Variants in CEP112 observed in about 807,000 individuals in gnomAD.
The protein encoded by CEP112 is centrosomal protein of 112 kDa.
CEP112 carries 127 observed loss-of-function variants against 153.0 expected under a neutral mutation model. The observed-to-expected ratio is 0.83, with a 90% CI of 0.72 to 0.96. CEP112 has a LOEUF of 0.96. Among genes scored for constraint, CEP112 ranks in the 40% least tolerant of loss-of-function variants. The probability of loss-of-function intolerance (pLI) is 0.00; values close to 1 mark genes in which losing one functional copy is unlikely to be tolerated. For synonymous variants in CEP112, 358 were observed against 374.4 expected (o/e 0.96, Z 0.51); for missense variants, 1,089 against 1,101.2 (o/e 0.99, Z 0.16).
At chr17:65,701,093 T>C (rs1229771427) in intron 23 of CEP112, among the ~76,000 whole-genome samples, 1 of 152,108 alleles carries the variant, frequency 6.6e-6, no homozygotes, top group East Asian at 1.9e-4. Flanking sequence ...CTGCCATGGC[T>C]GGGAGGCCAT....
intron 4 of CEP112, among the ~76,000 whole-genome samples, chr17:66,164,922 A>G (rs35622123): frequency 0.18 from 19,361 of 104,834 alleles, 1,686 homozygotes; most frequent in Non-Finnish European, 0.29. Context: ...GTGTGTGTGT[A>G]TATTTATTTA....
intron 1 of CEP112, among the ~76,000 whole-genome samples, chr17:66,189,522 T>C (rs1252911034): frequency 6.6e-6 from 1 of 151,316 alleles, no homozygotes; most frequent in Non-Finnish European, 1.5e-5. Flanking sequence ...AAAAAAAGTA[T>C]TTTGAAAAGT....
chr17:65,728,229 T>G (rs542615772), intron 23 of CEP112, among the ~76,000 whole-genome samples: 34 of 152,280 alleles, frequency 2.2e-4, no homozygotes, highest in African/African-American at 7.9e-4. Context: ...ATCAATATAG[T>G]CAAATGCTGC....
chr17:66,139,604 T>C (rs2070596593), intron 4 of CEP112, among the ~76,000 whole-genome samples: 2 of 151,322 alleles, frequency 1.3e-5, no homozygotes, highest in Admixed American at 6.6e-5. Flanking sequence ...TGAGAATCTA[T>C]CTCAAGAGAA....
chr17:66,171,447 T>C (rs1422492951), intron 4 of CEP112, among the ~76,000 whole-genome samples: 1 of 152,182 alleles, frequency 6.6e-6, no homozygotes, highest in African/African-American at 2.4e-5. Flanking sequence ...TCAAATATTA[T>C]AAGCCTCTTA....
chr17:66,045,197 A>T (rs951724303), intron 12 of CEP112, among the ~76,000 whole-genome samples: 4 of 152,006 alleles, frequency 2.6e-5, no homozygotes, highest in African/African-American at 9.7e-5. Flanking sequence ...CGGCCCCACA[A>T]GTAGCTGGGA....
intron 19 of CEP112, among the ~76,000 whole-genome samples, chr17:65,907,249 TCTTATAGA>T (rs1231842872): frequency 6.6e-6 from 1 of 152,224 alleles, no homozygotes; most frequent in Non-Finnish European, 1.5e-5. Context: ...ATTTGAAGTT[TCTTATAGA>T]CTCATCAATG....
In CEP112 at chr17:65,970,456, GCAT is replaced by G. The variant is rs2062674232; in HGVS notation, c.1737-8861_1737-8859del. Reference sequence around the variant, plus strand: ...CACACATCATGCATGTATATTACATGCATGCACACATGCATGTATATTACATGC... The same window carrying G: ...CACACATCATGCATGTATATTACATGGCACACATGCATGTATATTACATGC... On this transcript the variant is annotated intron_variant, in intron 17 of 26. Coordinates refer to ENST00000535342, the MANE Select transcript of CEP112 (RefSeq NM_001199165.4). Among the ~76,000 whole-genome samples the G allele has an allele frequency of 5.4e-5, 5 of 93,346 alleles. No individual in the cohort carries two copies. The Admixed American group carries it at 7.2e-4, about 13-fold the overall frequency. 61.2% of individuals were successfully genotyped at this position (93,346 alleles called of 152,430 possible).
intron 17 of CEP112, among the ~76,000 whole-genome samples, chr17:65,994,005 C>G (rs1353881665): frequency 1.2e-5 from 1 of 81,016 alleles, no homozygotes; most frequent in Non-Finnish European, 2.4e-5. Flanking sequence ...CCTCAATAAA[C>G]TTCGGTTCAT....
intron 23 of CEP112, among the ~76,000 whole-genome samples, chr17:65,728,607 C>T (rs8078499): frequency 0.15 from 23,397 of 152,068 alleles, 2,603 homozygotes; most frequent in East Asian, 0.62. Context: ...GCACCTTATG[C>T]CATTGTGGTA....
At chr17:65,864,944 G>A (rs2058435222) in intron 20 of CEP112, among the ~76,000 whole-genome samples, 2 of 148,116 alleles carry the variant, frequency 1.4e-5, no homozygotes, top group South Asian at 4.3e-4. Context: ...GTGTGTGTGT[G>A]TGTGTGTGTG....
At chr17:65,848,208 G>A (rs974558449) in intron 21 of CEP112, among the ~76,000 whole-genome samples, 11 of 152,016 alleles carry the variant, frequency 7.2e-5, no homozygotes, top group Admixed American at 1.3e-4. Flanking sequence ...TTTTAACATC[G>A]TATTTTCCCA....
At chr17:65,843,308 A>C (rs1304736725) in intron 21 of CEP112, among the ~76,000 whole-genome samples, 1 of 152,202 alleles carries the variant, frequency 6.6e-6, no homozygotes, top group African/African-American at 2.4e-5. Flanking sequence ...GAAAATGACA[A>C]CTTTAGGTTC....
chr17:65,765,953 G>T (rs1372221901), intron 21 of CEP112, among the ~76,000 whole-genome samples: 1 of 152,034 alleles, frequency 6.6e-6, no homozygotes, highest in Non-Finnish European at 1.5e-5. Context: ...CATGAAAAAG[G>T]AAGGAAATAT....
chr17:65,649,063 C>CAAAG (rs2045592965), intron 24 of CEP112, among the ~76,000 whole-genome samples: 2 of 51,674 alleles, frequency 3.9e-5, no homozygotes, highest in Non-Finnish European at 6.8e-5. Flanking sequence ...AACAAACAAA[C>CAAAG]AAACAAACAA....
intron 17 of CEP112, among the ~76,000 whole-genome samples, chr17:65,973,455 C>T (rs1483229467): frequency 1.3e-5 from 2 of 152,160 alleles, no homozygotes; most frequent in Admixed American, 1.3e-4. Flanking sequence ...AAGATTTGAA[C>T]ACTTTCCAAG....
chr17:65,694,776 A>T (rs1016601727), intron 23 of CEP112, among the ~76,000 whole-genome samples: 11 of 152,326 alleles, frequency 7.2e-5, no homozygotes, highest in African/African-American at 2.2e-4. Flanking sequence ...CTCAATAAGT[A>T]CAACCGCGGA....
At chr17:66,166,344 T>C (rs2071957034) in intron 4 of CEP112, among the ~76,000 whole-genome samples, 1 of 152,172 alleles carries the variant, frequency 6.6e-6, no homozygotes, top group South Asian at 2.1e-4. Flanking sequence ...TAACTTTTAA[T>C]CAAAGTTTTC....
chr17:65,923,642 GCATAA>G (rs2060813360), intron 19 of CEP112, among the ~76,000 whole-genome samples: 1 of 152,082 alleles, frequency 6.6e-6, no homozygotes, highest in Non-Finnish European at 1.5e-5. Context: ...TCCAAGTAAT[GCATAA>G]CATATGATCA....
Sources: allele counts gnomAD v4.1 joint callset (sites outside exome capture counted in the v4.1 genomes callset), GRCh38; gene constraint gnomAD v4.1.1; transcripts MANE v1.5; gene names NCBI Gene and HGNC (gene_info 2026-07-23, HGNC 2026-07-21).